The following PYGL variants were observed in gnomAD, a reference collection of about 807,000 sequenced individuals.
PYGL encodes the protein glycogen phosphorylase, liver form.
A neutral mutation model predicts 100.1 loss-of-function variants in PYGL; 90 were observed. The ratio of observed to expected loss-of-function variants is 0.90; its 90% CI spans 0.76 to 1.07. The LOEUF is 1.07. Ranked by LOEUF, PYGL falls within the 50% of genes least tolerant of loss-of-function variation. The pLI is 0.00. For missense variants in PYGL, 1,016 were observed against 1,057.6 expected, an observed-to-expected ratio of 0.96 and a Z score of 0.55; for synonymous variants, 373 against 393.0, an observed-to-expected ratio of 0.95 and a Z score of 0.60.
In PYGL at chr14:50,944,460, G is replaced by A. The variant is rs1339060347; in HGVS notation, c.-57C>T. The A allele has an allele frequency of 2.0e-6, 3 of 1,536,452 alleles. No individual in the cohort carries two copies. The highest frequency in any genetic ancestry group is 2.6e-6 in the Non-Finnish European group (3 of 1,144,598). On this transcript the variant is annotated 5_prime_UTR_variant, in exon 1 of 20. Transcript: ENST00000216392. ...GCAGAGAGCTGGAAGTGCGGCCGGAGGCGCTGGGCTGCCGGGCAGGGGTGG... is the reference window on the plus strand; with the variant it reads ...GCAGAGAGCTGGAAGTGCGGCCGGAAGCGCTGGGCTGCCGGGCAGGGGTGG...
Position 50,912,249 on chromosome 14 carries a change from T to A in PYGL, c.1675A>T (p.Asn559Tyr). The part of the protein sequence containing the change: ...FLETEYKVKI[N>Y]PSSMFDVQVK... ...TGGACATCAAACATGGAGGATGGGTTGATCTTCACTTTGTACTCCGTCTCC... is the reference window on the plus strand; with the variant it reads ...TGGACATCAAACATGGAGGATGGGTAGATCTTCACTTTGTACTCCGTCTCC... The change falls in exon 14 of 20, where the codon AAC becomes TAC. Residue 559 changes from asparagine to tyrosine, a missense_variant. By Grantham distance (143) the Asn-to-Tyr change is moderately radical (BLOSUM62 -2). Coordinates refer to ENST00000216392, the MANE Select transcript of PYGL (RefSeq NM_002863.5). 1 of 1,614,118 alleles carries A rather than the reference T, an allele frequency of 6.2e-7. No homozygotes were observed. The highest frequency in any genetic ancestry group is 8.5e-7 in the Non-Finnish European group (1 of 1,179,938).
At chr14:50,917,160 T>G in intron 7 of PYGL, 55 bp from the exon 8 acceptor site, 1 of 1,553,116 alleles carries the variant, frequency 6.4e-7, no homozygotes, top group South Asian at 1.1e-5. Context: ...GTGGCCAAAA[T>G]GTGACTGGTG....
chr14:50,916,028 G>A, intron 9 of PYGL, 57 bp from the exon 10 acceptor site: 1 of 1,608,028 alleles, frequency 6.2e-7, no homozygotes, highest in Non-Finnish European at 8.5e-7. Context: ...CCACTGCACG[G>A]GCCAAACCCT....
At chr14:50,929,851 T>C (rs2050587562) in intron 4 of PYGL, among the ~76,000 whole-genome samples, 1 of 152,212 alleles carries the variant, frequency 6.6e-6, no homozygotes, top group Non-Finnish European at 1.5e-5. Flanking sequence ...ATACACATTA[T>C]TTATGGAATC....
At chr14:50,912,975 G>T in intron 13 of PYGL, 54 bp downstream of exon 13, 1 of 1,524,902 alleles carries the variant, frequency 6.6e-7, no homozygotes, top group Non-Finnish European at 9.1e-7. Context: ...AAAAACTACA[G>T]GATAAACTCT....
At chr14:50,910,375 TCTTC>T (rs369747499) in intron 16 of PYGL, among the ~76,000 whole-genome samples, 39 of 152,278 alleles carry the variant, frequency 2.6e-4, no homozygotes, top group African/African-American at 8.2e-4. Flanking sequence ...ACATTTCTCT[TCTTC>T]CTTTTATTCC....
chr14:50,907,342 C>A (rs563415918), intron 19 of PYGL, among the ~76,000 whole-genome samples: 2 of 152,184 alleles, frequency 1.3e-5, no homozygotes, highest in East Asian at 3.9e-4. Flanking sequence ...ACCTATTTTG[C>A]AATTTTCAGA....
At chr14:50,916,923 T>TC (rs1210926243) in intron 8 of PYGL, 39 bp downstream of exon 8, 2 of 1,607,262 alleles carry the variant, frequency 1.2e-6, no homozygotes, top group Non-Finnish European at 1.7e-6. Flanking sequence ...AGTCAATCCC[T>TC]CAGTGGACCC....
chr14:50,911,438 C>T (rs147466233), intron 16 of PYGL, among the ~76,000 whole-genome samples: 2 of 152,204 alleles, frequency 1.3e-5, no homozygotes, highest in East Asian at 1.9e-4. Context: ...TTTTATAGAG[C>T]GGGTTCTGAA....
chr14:50,916,872 G>A (rs554830750), intron 8 of PYGL, 90 bp downstream of exon 8: 2 of 1,560,730 alleles, frequency 1.3e-6, no homozygotes, highest in East Asian at 2.2e-5. Context: ...GCTCAACGTT[G>A]TTAGCACTGA....
intron 1 of PYGL, among the ~76,000 whole-genome samples, chr14:50,942,309 G>A (rs1453023064): frequency 7.2e-6 from 1 of 139,680 alleles, no homozygotes; most frequent in Non-Finnish European, 1.6e-5. Flanking sequence ...GAAACTGGCC[G>A]GAGAACCAGG....
intron 3 of PYGL, among the ~76,000 whole-genome samples, chr14:50,932,848 C>T (rs983194048): frequency 1.3e-5 from 2 of 152,142 alleles, no homozygotes; most frequent in African/African-American, 4.8e-5. Context: ...AGCTGTAGAT[C>T]AAACAGAAAG....
At chr14:50,925,568 T>A (rs1043916838) in intron 4 of PYGL, among the ~76,000 whole-genome samples, 2 of 152,240 alleles carry the variant, frequency 1.3e-5, no homozygotes, top group African/African-American at 4.8e-5. Context: ...GTGTAATGCC[T>A]GTCTCAGGAA....
intron 2 of PYGL, among the ~76,000 whole-genome samples, chr14:50,936,337 A>G (rs2050652998): frequency 1.3e-5 from 2 of 152,088 alleles, no homozygotes; most frequent in Admixed American, 1.3e-4. Context: ...TTGGATTCCT[A>G]CCTGTCACAC....
rs564291063 is a variant in PYGL, at chr14:50,925,870, G to C, written c.529-1770C>G. On this transcript the variant is annotated intron_variant, in intron 4 of 19. Transcript: ENST00000216392. ...TGAACCCTAGGGAAGGCTGGAGAGAGATCTGAGCTCGTCAGAAAGTCACAT... is the reference window on the plus strand; with the variant it reads ...TGAACCCTAGGGAAGGCTGGAGAGACATCTGAGCTCGTCAGAAAGTCACAT... 5.3e-5 allele frequency among the ~76,000 whole-genome samples: 8 copies of C among 152,276 alleles called. No individual in the cohort carries two copies. In the East Asian group the frequency reaches 1.4e-3, roughly 26 times the overall value.
In PYGL at chr14:50,944,144, G is replaced by T. The variant is rs376845820; in HGVS notation, c.243+17C>A. The T allele has an allele frequency of 1.6e-5, 25 of 1,593,606 alleles. No homozygotes were observed. Among genetic ancestry groups the T allele is most frequent in the Non-Finnish European group, 2.1e-5 (25 of 1,175,242 alleles). ...ACTCCGGGCTGGACCCCGGCCCGCCGTCCCGCCCCCGGTTACCTTGGGGCA... is the reference window on the plus strand; with the variant it reads ...ACTCCGGGCTGGACCCCGGCCCGCCTTCCCGCCCCCGGTTACCTTGGGGCA... On this transcript the variant is annotated intron_variant, in intron 1 of 19. Transcript: ENST00000216392.
At position 50,910,057 on chromosome 14, in the gene PYGL, G is replaced by C. The variant is rs1440589937; in HGVS notation, c.2015C>G (p.Thr672Ser). Residue 672 changes from threonine (T) to serine (S), a missense_variant, in exon 17 of 20, where the codon ACC becomes AGC. By Grantham distance (58) the Thr-to-Ser change is moderately conservative. Coordinates refer to ENST00000216392, the MANE Select transcript of PYGL (RefSeq NM_002863.5). The part of the protein sequence containing the change: ...DLSEQISTAG[T>S]EASGTGNMKF... ...CATATTGCCTGTCCCCGAGGCTTCGGTGCCTGCAGTGGAAATCTGCTCTGA... is the reference window on the plus strand; with the variant it reads ...CATATTGCCTGTCCCCGAGGCTTCGCTGCCTGCAGTGGAAATCTGCTCTGA... 3 of 1,614,070 alleles carry C rather than the reference G, an allele frequency of 1.9e-6. No homozygotes were observed. The African/African-American group carries it at 4.0e-5, about 22-fold the overall frequency.
At chr14:50,916,500 A>C in intron 9 of PYGL, 142 bp downstream of exon 9, 1 of 766,116 alleles carries the variant, frequency 1.3e-6, no homozygotes, top group South Asian at 1.5e-5. Context: ...GGAAAATGTC[A>C]GCGTCAGGGA....
In PYGL at chr14:50,917,193, G is replaced by A. The variant is rs983837746; in HGVS notation, c.856-88C>T. Reference sequence around the variant, plus strand: ...GTGTCTCCTGCACTAGGAACTTTAAGACTAAGGCCCATTGGACATCTGCTG... The same window carrying A: ...GTGTCTCCTGCACTAGGAACTTTAAAACTAAGGCCCATTGGACATCTGCTG... On this transcript the variant is annotated intron_variant, in intron 7 of 19. Coordinates refer to ENST00000216392, the MANE Select transcript of PYGL (RefSeq NM_002863.5). 14 of 1,435,954 alleles carry A rather than the reference G, an allele frequency of 9.7e-6. No individual in the cohort carries two copies. The African/African-American group carries it at 1.8e-4, about 19-fold the overall frequency. 89.0% of individuals were successfully genotyped at this position (1,435,954 alleles called of 1,614,324 possible). A position where few individuals can be genotyped will look rare whatever the true frequency, so the allele number is the denominator to read the frequency against.
Sources: allele counts gnomAD v4.1 joint callset (sites outside exome capture counted in the v4.1 genomes callset), GRCh38; gene constraint gnomAD v4.1.1; transcripts MANE v1.5; gene names NCBI Gene and HGNC (gene_info 2026-07-23, HGNC 2026-07-21).